SOX5: variants seen among roughly 807,000 people sequenced by gnomAD.
SOX5 encodes the protein SRY-box transcription factor 5, also known as transcription factor SOX-5.
A neutral mutation model predicts 92.0 loss-of-function variants in SOX5; 9 were observed. That is an observed-to-expected ratio of 0.10 (90% CI 0.06 to 0.17). SOX5 has a LOEUF of 0.17. SOX5 is among the 10% of genes least tolerant of loss of function. SOX5 has a pLI of 1.00. For synonymous variants in SOX5, 344 were observed against 336.3 expected (o/e 1.02, Z -0.25); for missense variants, 642 against 944.5 (o/e 0.68, Z 4.20).
chr12:24,034,050 T>C (rs1955775835), intron 4 of SOX5, among the ~76,000 whole-genome samples: 1 of 152,066 alleles, frequency 6.6e-6, no homozygotes, highest in African/African-American at 2.4e-5. Context: ...TTTAGGACTA[T>C]CAGTCTCAGA....
At chr12:23,923,574 G>A (rs1939088485) in intron 1 of SOX5, among the ~76,000 whole-genome samples, 1 of 152,130 alleles carries the variant, frequency 6.6e-6, no homozygotes. Context: ...ATTAAATTAA[G>A]AAGTGCCATG....
At position 24,117,588 on chromosome 12, in the gene SOX5, T is replaced by C. The variant is rs1948155617; in HGVS notation, c.-2+95755A>G. Among the ~76,000 whole-genome samples, 3 of 152,098 alleles carry C rather than the reference T, an allele frequency of 2.0e-5. No homozygotes were observed. In the South Asian group the frequency reaches 6.2e-4, roughly 32 times the overall value. On this transcript the variant is annotated intron_variant, in intron 4 of 4. Coordinates refer to the SOX5 transcript ENST00000446891. The stretch of plus-strand genomic sequence containing the variant: ...ACCTAAGTGTTCATCAGCAAGTGAA[T>C]GGATAAAGAAAATATGGGATTATAC...
rs1192611809 is a variant in SOX5, at chr12:23,532,932, T to C, written c.*1287A>G. ...AAAATATCAACAGGAAAAACAAAAA[T>C]CACTAAGTAGCAAACGTTAATGGAA... On this transcript the variant is annotated 3_prime_UTR_variant, in exon 15 of 15. Coordinates refer to ENST00000451604, the MANE Select transcript of SOX5 (RefSeq NM_006940.6). 1 of 162,480 alleles carries C rather than the reference T, an allele frequency of 6.2e-6. No individual in the cohort carries two copies. The allele number at this position is 162,480 out of a possible 1,614,324, so 10.1% of individuals were successfully genotyped here.
At chr12:24,098,037 T>C (rs1342093434) in intron 4 of SOX5, among the ~76,000 whole-genome samples, 1 of 152,178 alleles carries the variant, frequency 6.6e-6, no homozygotes, top group Non-Finnish European at 1.5e-5. Flanking sequence ...TTCATTATTT[T>C]CCTTTTACTT....
At chr12:24,535,152 T>C (rs1444106490) in intron 1 of SOX5, among the ~76,000 whole-genome samples, 2 of 152,174 alleles carry the variant, frequency 1.3e-5, no homozygotes, top group African/African-American at 4.8e-5. Flanking sequence ...CCATCCCATA[T>C]TTGGGCTAAA....
At chr12:24,479,575 G>A (rs930860599) in intron 1 of SOX5, among the ~76,000 whole-genome samples, 16 of 152,000 alleles carry the variant, frequency 1.1e-4, no homozygotes, top group Admixed American at 6.6e-5. Context: ...GACAATACTC[G>A]CACATATTAT....
chr12:23,688,271 A>C (rs12317024), intron 6 of SOX5, among the ~76,000 whole-genome samples: 70,446 of 151,824 alleles, frequency 0.46, 16,972 homozygotes, highest in East Asian at 0.66. Flanking sequence ...ATTATTTTTT[A>C]GACATGTGAC....
At chr12:24,395,333 C>T (rs1175470946) in intron 1 of SOX5, among the ~76,000 whole-genome samples, 1 of 152,024 alleles carries the variant, frequency 6.6e-6, no homozygotes, top group African/African-American at 2.4e-5. Flanking sequence ...TTCTAGAAGG[C>T]TCAACCAGGG....
chr12:23,669,224 T>C (rs989790436), intron 6 of SOX5, among the ~76,000 whole-genome samples: 8 of 152,062 alleles, frequency 5.3e-5, no homozygotes, highest in Non-Finnish European at 8.8e-5. Flanking sequence ...TAGGATACTA[T>C]GGAAGTACAG....
chr12:23,619,164 AC>A (rs1207841572), intron 8 of SOX5, among the ~76,000 whole-genome samples: 1 of 152,160 alleles, frequency 6.6e-6, no homozygotes, highest in African/African-American at 2.4e-5. Flanking sequence ...TCCCTCATAA[AC>A]CTTTAAGATT....
At chr12:23,964,407 C>CA (rs1004320807) in intron 4 of SOX5, among the ~76,000 whole-genome samples, 5 of 151,672 alleles carry the variant, frequency 3.3e-5, no homozygotes, top group Admixed American at 1.3e-4. Context: ...ATTCCTGGGA[C>CA]AAAAAAATAC....
Position 24,532,096 on chromosome 12 carries a change from G to C in SOX5, c.-251+30233C>G, listed in dbSNP as rs186079753. Among the ~76,000 whole-genome samples, 70 of 152,242 alleles carry C rather than the reference G, an allele frequency of 4.6e-4. No individual in the cohort carries two copies. The East Asian group carries it at 0.01, about 23-fold the overall frequency. On this transcript the variant is annotated intron_variant, in intron 1 of 4. Coordinates refer to the SOX5 transcript ENST00000446891. ...ATACAGCTTGTTAAAACAGGAGCCG[G>C]GGAGGTCTTTTTCTTCCCTGCAGTG...
At chr12:23,709,262 C>A (rs1230246004) in intron 6 of SOX5, among the ~76,000 whole-genome samples, 2 of 151,964 alleles carry the variant, frequency 1.3e-5, no homozygotes. Flanking sequence ...CCATCATCCC[C>A]AGCTAATATT....
intron 13 of SOX5, among the ~76,000 whole-genome samples, chr12:23,538,472 G>A (rs1366536426): frequency 2.0e-5 from 3 of 152,124 alleles, no homozygotes; most frequent in African/African-American, 7.2e-5. Context: ...GGTTGGTCAA[G>A]CCATATCATT....
Position 24,424,908 on chromosome 12 carries a change from T to C in SOX5, c.-250-56269A>G, listed in dbSNP as rs1286136552. On this transcript the variant is annotated intron_variant, in intron 1 of 4. Transcript: ENST00000446891. ...GACAGCTGACATACTGGGGAGACCA[T>C]CTGCCTGCCATAGGTTTACCTGCCA... Among the ~76,000 whole-genome samples, 9 of 150,120 alleles carry C rather than the reference T, an allele frequency of 6.0e-5. No individual in the cohort carries two copies. The East Asian group carries it at 1.8e-3, about 31-fold the overall frequency.
intron 9 of SOX5, among the ~76,000 whole-genome samples, chr12:23,595,906 T>C (rs912476829): frequency 3.9e-5 from 6 of 152,158 alleles, no homozygotes; most frequent in Non-Finnish European, 8.8e-5. Flanking sequence ...GTACTTGTAC[T>C]CCTAAATCCA....
chr12:24,251,478 T>C lies in SOX5; in HGVS notation c.-77+25738A>G, dbSNP rs1940024360. Among the ~76,000 whole-genome samples, 3 of 152,300 alleles carry C rather than the reference T, an allele frequency of 2.0e-5. No homozygotes were observed. In the South Asian group the frequency reaches 6.2e-4, roughly 32 times the overall value. On this transcript the variant is annotated intron_variant, in intron 3 of 4. Transcript: ENST00000446891. ...CCTTATTTCTTAGGGTCAGACAGTC[T>C]ATATTATAGCCTAGCTCTAAATATG...
chr12:24,232,679 C>G (rs1963641144), intron 3 of SOX5, among the ~76,000 whole-genome samples: 1 of 152,058 alleles, frequency 6.6e-6, no homozygotes. Context: ...GATATCTTGG[C>G]AAAGGAAAAA....
chr12:24,447,329 CCCA>C, intron 1 of SOX5, among the ~76,000 whole-genome samples: 1 of 152,270 alleles, frequency 6.6e-6, no homozygotes, highest in African/African-American at 2.4e-5. Context: ...CTCTCCCAAC[CCCA>C]CAAGCCCCAT....
Sources: gnomAD v4.1 joint callset for allele counts (sites outside exome capture counted in the v4.1 genomes callset) on GRCh38, gnomAD v4.1.1 for gene constraint, MANE v1.5 for transcripts, NCBI Gene and HGNC (gene_info 2026-07-23, HGNC 2026-07-21) for gene names.